The following MACF1 variants were observed in gnomAD, a reference collection of about 807,000 sequenced individuals.
MACF1 encodes microtubule actin crosslinking factor 1, also known as microtubule-actin cross-linking factor 1.
A neutral mutation model predicts 854.8 loss-of-function variants in MACF1; 193 were observed. That is an observed-to-expected ratio of 0.23 (90% CI 0.20 to 0.25). MACF1 has a LOEUF of 0.25. MACF1 is among the 10% of genes least tolerant of loss of function. The probability of loss-of-function intolerance (pLI) is 1.00; values close to 1 mark genes in which losing one functional copy is unlikely to be tolerated. For missense variants in MACF1, 7,722 were observed against 8,929.1 expected, an observed-to-expected ratio of 0.86 and a Z score of 5.45; for synonymous variants, 3,185 against 3,226.7, an observed-to-expected ratio of 0.99 and a Z score of 0.44.
intron 15 of MACF1, among the ~76,000 whole-genome samples, chr1:39,288,907 C>T (rs1302768821): frequency 6.6e-6 from 1 of 152,196 alleles, no homozygotes; most frequent in African/African-American, 2.4e-5. Flanking sequence ...ACCCATGAAT[C>T]ATCCCCACCT....
intron 46 of MACF1, 26 bp from the exon 47 acceptor site, chr1:39,359,115 C>G: frequency 1.2e-6 from 2 of 1,613,212 alleles, no homozygotes; most frequent in Non-Finnish European, 1.7e-6. Flanking sequence ...AGATGTTTTT[C>G]TTTTGTTTTT....
intron 20 of MACF1, 26 bp from the exon 21 acceptor site, chr1:39,297,594 G>A: frequency 6.2e-7 from 1 of 1,613,720 alleles, no homozygotes; most frequent in Non-Finnish European, 8.5e-7. Flanking sequence ...TTGAGCAGAA[G>A]GCATCCTTAC....
At chr1:39,090,097 T>C (rs1273660485) in intron 2 of MACF1, among the ~76,000 whole-genome samples, 2 of 152,202 alleles carry the variant, frequency 1.3e-5, no homozygotes, top group Non-Finnish European at 2.9e-5. Flanking sequence ...TGGCTTATTC[T>C]GGCCAAGCCG....
At chr1:39,317,110 C>G in intron 28 of MACF1, 104 bp from the exon 29 acceptor site, 1 of 1,150,018 alleles carries the variant, frequency 8.7e-7, no homozygotes, top group Non-Finnish European at 1.2e-6. Context: ...ATCACATATA[C>G]AATGTGGAAA....
At chr1:39,132,704 A>G (rs1397719712) in intron 2 of MACF1, among the ~76,000 whole-genome samples, 2 of 152,082 alleles carry the variant, frequency 1.3e-5, no homozygotes, top group East Asian at 3.9e-4. Flanking sequence ...CCTGTTTGAT[A>G]GCATATTTTC....
chr1:39,340,783 G>A (rs1263498298), intron 39 of MACF1, 21 bp from the exon 40 acceptor site: 10 of 1,611,816 alleles, frequency 6.2e-6, no homozygotes, highest in African/African-American at 2.7e-5. Flanking sequence ...TTCATAATGT[G>A]ATTTTCCATT....
rs762607499 is a variant in MACF1, at chr1:39,385,646, G to A, written c.14061G>A (p.Gln4687=). The A allele has an allele frequency of 3.7e-6, 6 of 1,614,038 alleles. No homozygotes were observed. The Admixed American group carries it at 8.3e-5, about 22-fold the overall frequency. The stretch of plus-strand genomic sequence containing the variant: ...ACCAAGCTATTGTTAAGAGCACCCA[G>A]TACCAGGAACTGCTCCAGGACTTAT... ...QIDQAIVKST[Q]YQELLQDLSE... is the part of the protein sequence containing the mutation. Residue 4687 remains glutamine (Q), a synonymous_variant, in exon 57 of 101, where the codon CAG becomes CAA. Coordinates refer to ENST00000564288, the MANE Select transcript of MACF1 (RefSeq NM_001394062.1).
At chr1:39,213,981 T>C (rs1432927847) in intron 1 of MACF1, among the ~76,000 whole-genome samples, 1 of 152,170 alleles carries the variant, frequency 6.6e-6, no homozygotes, top group Admixed American at 6.5e-5. Context: ...AGGCAGGTCA[T>C]AGGGCTTGTT....
In MACF1 at chr1:39,336,557, C is replaced by T. The variant is rs770216058; in HGVS notation, c.9969C>T (p.Leu3323=). Residue 3323 remains leucine, a synonymous_variant, in exon 37 of 101, where the codon CTC becomes CTT. Transcript: ENST00000564288. ...VKTEKTPQEK[L]RESPGSEQTP... ...CAGAGAAGACACCACAGGAAAAGCT[C>T]AGAGAAAGCCCTGGCAGTGAACAAA... is the stretch of plus-strand genomic sequence containing the variant. The T allele has an allele frequency of 3.1e-6, 5 of 1,614,134 alleles. No individual in the cohort carries two copies. The highest frequency in any genetic ancestry group is 4.2e-6 in the Non-Finnish European group (5 of 1,180,014).
chr1:39,341,282 C>T (rs1433317044), intron 40 of MACF1, among the ~76,000 whole-genome samples: 1 of 151,578 alleles, frequency 6.6e-6, no homozygotes. Flanking sequence ...GATCCGCCCA[C>T]CTCGGCCTCC....
rs760817631 is a variant in MACF1, at chr1:39,387,372, A to T, written c.14530A>T (p.Asn4844Tyr). The T allele has an allele frequency of 1.2e-6, 2 of 1,614,252 alleles. No individual in the cohort carries two copies. The highest frequency in any genetic ancestry group is 2.2e-5 in the South Asian group (2 of 91,090). ...QENEEFQKSLNQHSGSYEVIV... is the reference protein window; with the variant it reads ...QENEEFQKSLYQHSGSYEVIV... ...GAATGAAGAGTTTCAGAAAAGTCTT[A>T]ATCAACACAGTGGCTCCTATGAGGT... Residue 4844 changes from asparagine (N) to tyrosine (Y), a missense_variant, in exon 58 of 101, where the codon AAT (asparagine) becomes TAT (tyrosine). By Grantham distance (143) the Asn-to-Tyr change is moderately radical. Coordinates refer to ENST00000564288, the MANE Select transcript of MACF1 (RefSeq NM_001394062.1).
At chr1:39,192,887 A>G (rs1644273218) in intron 2 of MACF1, among the ~76,000 whole-genome samples, 1 of 152,198 alleles carries the variant, frequency 6.6e-6, no homozygotes, top group South Asian at 2.1e-4. Context: ...GCGGGTGGAT[A>G]TCACCTGAGG....
chr1:39,426,974 A>G lies in MACF1; in HGVS notation c.16317-481A>G, dbSNP rs1377801739. ...AATATACAGTCTTTACTCTTCAGATATCTTCACTCATAAATGAAGGTAGTA... is the reference window on the plus strand; with the variant it reads ...AATATACAGTCTTTACTCTTCAGATGTCTTCACTCATAAATGAAGGTAGTA... On this transcript the variant is annotated intron_variant, in intron 61 of 100. Coordinates refer to ENST00000564288, the MANE Select transcript of MACF1 (RefSeq NM_001394062.1). Among the ~76,000 whole-genome samples the G allele has an allele frequency of 2.0e-5, 3 of 152,304 alleles. No homozygotes were observed. In the South Asian group the frequency reaches 6.2e-4, roughly 32 times the overall value.
intron 2 of MACF1, among the ~76,000 whole-genome samples, chr1:39,167,407 C>A (rs1643892868): frequency 6.6e-6 from 1 of 151,314 alleles, no homozygotes; most frequent in Non-Finnish European, 1.5e-5. Flanking sequence ...CCCATCTCTA[C>A]TAAAAATACA....
At chr1:39,475,891 C>T (rs1474776248) in intron 97 of MACF1, among the ~76,000 whole-genome samples, 1 of 152,164 alleles carries the variant, frequency 6.6e-6, no homozygotes, top group East Asian at 1.9e-4. Context: ...GGACTGTGGA[C>T]AGACCCAGCA....
intron 2 of MACF1, among the ~76,000 whole-genome samples, chr1:39,196,230 C>T (rs577800920): frequency 2.3e-4 from 35 of 152,100 alleles, no homozygotes; most frequent in Non-Finnish European, 5.1e-4. Context: ...CTTATAATTT[C>T]CATGCTACTA....
chr1:39,209,621 A>G (rs904818690), intron 1 of MACF1, among the ~76,000 whole-genome samples: 10 of 86,694 alleles, frequency 1.2e-4, no homozygotes, highest in African/African-American at 4.3e-4. Flanking sequence ...GTATTCCATC[A>G]CCTCCCCATC....
intron 36 of MACF1, among the ~76,000 whole-genome samples, chr1:39,330,388 A>G (rs1243308712): frequency 6.6e-6 from 1 of 152,180 alleles, no homozygotes; most frequent in Non-Finnish European, 1.5e-5. Flanking sequence ...TGGGCTGCAT[A>G]AATCTCTCTT....
At chr1:39,298,580 C>A in intron 21 of MACF1, 2 of 413,082 alleles carry the variant, frequency 4.8e-6, no homozygotes, top group Admixed American at 2.9e-5. Flanking sequence ...TAGAATAACC[C>A]AAAACAGTTC....
Sources: gnomAD v4.1 joint callset for allele counts (sites outside exome capture counted in the v4.1 genomes callset) on GRCh38, gnomAD v4.1.1 for gene constraint, MANE v1.5 for transcripts, NCBI Gene and HGNC (gene_info 2026-07-23, HGNC 2026-07-21) for gene names.